Variants in TSGA10 observed in about 807,000 individuals in gnomAD.
TSGA10 encodes the protein testis specific 10, also known as testis-specific gene 10 protein.
In TSGA10, 43 loss-of-function variants were observed where a neutral mutation model predicts 96.6. The observed-to-expected ratio is 0.44, with a 90% CI of 0.35 to 0.57. The LOEUF is 0.57. TSGA10 is among the 20% of genes least tolerant of loss of function. TSGA10 has a pLI of 0.01. For synonymous variants in TSGA10, 229 were observed against 269.9 expected (o/e 0.85, Z 1.48); for missense variants, 703 against 834.4 (o/e 0.84, Z 1.94).
intron 1 of TSGA10, among the ~76,000 whole-genome samples, chr2:99,134,983 C>A (rs535333909): frequency 2.0e-5 from 3 of 152,254 alleles, no homozygotes; most frequent in South Asian, 2.1e-4. Context: ...CCCAGAGGGG[C>A]ACCCACCAGA....
At chr2:99,105,505 C>G in intron 8 of TSGA10, 22 bp downstream of exon 8, 1 of 1,613,706 alleles carries the variant, frequency 6.2e-7, no homozygotes, top group Non-Finnish European at 8.5e-7. Context: ...CATATATTCA[C>G]GTAAATAAAA....
At chr2:99,100,801 C>G (rs1324194478) in intron 10 of TSGA10, among the ~76,000 whole-genome samples, 4 of 115,178 alleles carry the variant, frequency 3.5e-5, no homozygotes, top group African/African-American at 1.0e-4. Context: ...GCCTGGGCAA[C>G]AGAGCGAGAC....
intron 3 of TSGA10, 61 bp from the exon 4 acceptor site, chr2:99,117,820 G>T: frequency 1.2e-6 from 1 of 821,554 alleles, no homozygotes; most frequent in Non-Finnish European, 1.5e-6. Flanking sequence ...CTGGGGAGCA[G>T]CTGTGTGACT....
chr2:99,097,420 C>T (rs1355194727), intron 10 of TSGA10, among the ~76,000 whole-genome samples: 1 of 152,006 alleles, frequency 6.6e-6, no homozygotes, highest in African/African-American at 2.4e-5. Context: ...GTGTTTTATT[C>T]AGTTTATATA....
chr2:99,064,373 C>T (rs961574708), intron 16 of TSGA10, among the ~76,000 whole-genome samples: 25 of 152,144 alleles, frequency 1.6e-4, no homozygotes, highest in African/African-American at 5.8e-4. Context: ...TAATATTGAG[C>T]AAAGAGGGCA....
chr2:99,154,892 C>T lies in TSGA10; in HGVS notation c.-820G>A, dbSNP rs1371996732. 4.9e-6 allele frequency: 2 copies of T among 405,962 alleles called. No homozygotes were observed. Among genetic ancestry groups the T allele is most frequent in the African/African-American group, 4.1e-5 (2 of 48,832 alleles). The allele number at this position is 405,962 out of a possible 1,614,324, so 25.1% of individuals were successfully genotyped here. On this transcript the variant is annotated 5_prime_UTR_variant, in exon 1 of 21. Coordinates refer to ENST00000393483, the MANE Select transcript of TSGA10 (RefSeq NM_025244.4). The stretch of plus-strand genomic sequence containing the variant: ...CGGCTCCGCAGGCGGAGAGACTAGG[C>T]GCGATCCCTGCGCGCCCCTCCTTCT...
At chr2:99,138,304 CAAAT>C (rs1024833370) in intron 1 of TSGA10, among the ~76,000 whole-genome samples, 1 of 152,186 alleles carries the variant, frequency 6.6e-6, no homozygotes, top group African/African-American at 2.4e-5. Flanking sequence ...GTCACTCTCT[CAAAT>C]AAGTGATAAG....
At chr2:99,077,578 T>C (rs1288052364) in intron 12 of TSGA10, among the ~76,000 whole-genome samples, 1 of 152,110 alleles carries the variant, frequency 6.6e-6, no homozygotes, top group East Asian at 1.9e-4. Flanking sequence ...TTATTTATTT[T>C]TGAGACAGAG....
At chr2:99,030,783 G>A (rs1402295497) in intron 17 of TSGA10, among the ~76,000 whole-genome samples, 1 of 152,092 alleles carries the variant, frequency 6.6e-6, no homozygotes, top group East Asian at 1.9e-4. Flanking sequence ...TTTTTATTTT[G>A]TAGGTGGAAA....
chr2:99,077,127 C>CTTTTTTTTTT (rs35876721), intron 12 of TSGA10, among the ~76,000 whole-genome samples: 5 of 70,434 alleles, frequency 7.1e-5, no homozygotes, highest in Non-Finnish European at 1.1e-4. Flanking sequence ...GACCATTCAC[C>CTTTTTTTTTT]TTTTTTTTTT....
At chr2:99,034,919 C>A (rs756900431) in intron 17 of TSGA10, among the ~76,000 whole-genome samples, 2 of 152,230 alleles carry the variant, frequency 1.3e-5, no homozygotes, top group East Asian at 1.9e-4. Flanking sequence ...AAAAGAATAT[C>A]ATTAAAGTTA....
chr2:99,023,273 T>C (rs749440157), intron 17 of TSGA10, among the ~76,000 whole-genome samples: 9 of 152,206 alleles, frequency 5.9e-5, no homozygotes, highest in Non-Finnish European at 1.3e-4. Context: ...GTGCTAGGAT[T>C]AGAGGCATGA....
intron 10 of TSGA10, among the ~76,000 whole-genome samples, chr2:99,084,318 G>A (rs1271949428): frequency 6.6e-6 from 1 of 152,192 alleles, no homozygotes; most frequent in African/African-American, 2.4e-5. Context: ...CTGGGGAAGA[G>A]ATGACTGGAT....
At chr2:99,036,146 G>A (rs952941730) in intron 16 of TSGA10, among the ~76,000 whole-genome samples, 41 of 152,058 alleles carry the variant, frequency 2.7e-4, no homozygotes, top group African/African-American at 9.7e-4. Context: ...TTGCTATAAT[G>A]TGAAGACAAG....
At chr2:99,081,716 G>T (rs1382849445) in intron 10 of TSGA10, among the ~76,000 whole-genome samples, 2 of 152,072 alleles carry the variant, frequency 1.3e-5, no homozygotes, top group African/African-American at 4.8e-5. Context: ...TGTCTCAATA[G>T]CCTAGGGTTT....
intron 1 of TSGA10, among the ~76,000 whole-genome samples, chr2:99,144,603 C>T (rs2931543): frequency 2.8e-5 from 4 of 142,828 alleles, no homozygotes; most frequent in Non-Finnish European, 4.5e-5. Flanking sequence ...AAGCCGAGAT[C>T]GTGCCATCGC....
intron 1 of TSGA10, chr2:99,141,160 G>A (rs768395740): frequency 1.1e-5 from 14 of 1,263,712 alleles, no homozygotes; most frequent in Admixed American, 2.5e-5. Flanking sequence ...GTCAGCTCTC[G>A]GCCTCAGCGG....
chr2:99,010,105 A>G (rs2078881880), intron 20 of TSGA10, among the ~76,000 whole-genome samples: 1 of 152,236 alleles, frequency 6.6e-6, no homozygotes, highest in Non-Finnish European at 1.5e-5. Flanking sequence ...CTTTCCTAGA[A>G]CATATAAATT....
At chr2:99,048,731 G>A (rs1482436930) in intron 16 of TSGA10, among the ~76,000 whole-genome samples, 6 of 152,134 alleles carry the variant, frequency 3.9e-5, no homozygotes, top group Admixed American at 3.9e-4. Flanking sequence ...ATTGACAAAT[G>A]GGATCTAATT....
Sources: allele counts gnomAD v4.1 joint callset (sites outside exome capture counted in the v4.1 genomes callset), GRCh38; gene constraint gnomAD v4.1.1; transcripts MANE v1.5; gene names NCBI Gene and HGNC (gene_info 2026-07-23, HGNC 2026-07-21).